BNIP3L: variants seen among roughly 807,000 people sequenced by gnomAD.
BNIP3L encodes BCL2/adenovirus E1B 19 kDa protein-interacting protein 3-like.
In BNIP3L, 10 loss-of-function variants were observed where a neutral mutation model predicts 25.5. That is an observed-to-expected ratio of 0.39 (90% CI 0.24 to 0.67). The LOEUF (loss-of-function observed/expected upper bound fraction) is 0.67, where lower values mean the gene tolerates loss of function less well. Among genes scored for constraint, BNIP3L ranks in the 30% least tolerant of loss-of-function variants. The probability of loss-of-function intolerance (pLI) is 0.45; values close to 1 mark genes in which losing one functional copy is unlikely to be tolerated. For synonymous variants in BNIP3L, 113 were observed against 101.2 expected, an observed-to-expected ratio of 1.12 and a Z score of -0.70; for missense variants, 215 against 270.9, an observed-to-expected ratio of 0.79 and a Z score of 1.45.
rs868330103 is a variant in BNIP3L at position 26,384,038 on chromosome 8, A to C, written c.100+808A>C. Among the ~76,000 whole-genome samples, 17 of 152,184 alleles carry C rather than the reference A, an allele frequency of 1.1e-4. No individual in the cohort carries two copies. In the South Asian group the frequency reaches 2.1e-3, roughly 19 times the overall value. ...ATTAAAAACGCACTCGGGCAGTTGA[A>C]AGTTAACGGACGAGGCTGATAGACA... On this transcript the variant is annotated intron_variant, in intron 1 of 5. Transcript: ENST00000380629.
At chr8:26,406,801 A>G (rs1240240128) in intron 3 of BNIP3L, among the ~76,000 whole-genome samples, 30 of 151,344 alleles carry the variant, frequency 2.0e-4, no homozygotes, top group Admixed American at 1.8e-3. Flanking sequence ...GTGACACAGG[A>G]GACCCTGTCT....
At chr8:26,383,515 A>C in intron 1 of BNIP3L, 1 of 727,380 alleles carries the variant, frequency 1.4e-6, no homozygotes, top group Non-Finnish European at 1.7e-6. Flanking sequence ...GGTGGTCCCC[A>C]GCAGCGGAGC....
intron 3 of BNIP3L, among the ~76,000 whole-genome samples, chr8:26,396,388 T>C (rs368972862): frequency 1.8e-4 from 14 of 76,454 alleles, no homozygotes; most frequent in South Asian, 1.8e-3. Context: ...CGGCAGGGTA[T>C]TCCAACAGAC....
chr8:26,400,306 C>A (rs1367825482), intron 3 of BNIP3L, among the ~76,000 whole-genome samples: 6 of 147,404 alleles, frequency 4.1e-5, no homozygotes, highest in African/African-American at 1.0e-4. Context: ...GAAAAACAAG[C>A]AATGGGGAAA....
chr8:26,390,229 C>A, intron 1 of BNIP3L: 1 of 527,500 alleles, frequency 1.9e-6, no homozygotes, highest in Non-Finnish European at 2.4e-6. Flanking sequence ...GCTGGGATTA[C>A]ATGTGTGAGC....
rs190843678 is a variant in BNIP3L at position 26,411,192 on chromosome 8, T to A, written c.*780T>A. 1 of 152,752 alleles carries A rather than the reference T, an allele frequency of 6.5e-6. No homozygotes were observed. Among genetic ancestry groups the A allele is most frequent in the African/African-American group, 2.4e-5 (1 of 41,576 alleles). 9.5% of individuals were successfully genotyped at this position (152,752 alleles called of 1,614,324 possible). A position where few individuals can be genotyped will look rare whatever the true frequency, so the allele number is the denominator to read the frequency against. ...AAGGAACGTCTCAGGCTTAGAAATA[T>A]ATGAAATTGCTTTTTGAGATTTTTG... On this transcript the variant is annotated 3_prime_UTR_variant, in exon 6 of 6. Transcript: ENST00000380629.
chr8:26,383,238 C>A lies in BNIP3L; in HGVS notation c.100+8C>A, dbSNP rs1433229631. The A allele has an allele frequency of 6.9e-6, 11 of 1,602,534 alleles. No homozygotes were observed. Among genetic ancestry groups the A allele is most frequent in the Non-Finnish European group, 9.4e-6 (11 of 1,175,136 alleles). On this transcript the variant is annotated splice_region_variant and intron_variant, in intron 1 of 5. Coordinates refer to ENST00000380629, the MANE Select transcript of BNIP3L (RefSeq NM_004331.3). ...CGCCGGCCGGCCTCAACAGTGAGTG[C>A]GGGGCCGAGGCTCTGTGAAGGGGAT...
At chr8:26,404,771 G>A (rs1365871357) in intron 3 of BNIP3L, among the ~76,000 whole-genome samples, 1 of 152,210 alleles carries the variant, frequency 6.6e-6, no homozygotes, top group Non-Finnish European at 1.5e-5. Context: ...GCCTCCCTAA[G>A]TGCTGGGATT....
chr8:26,409,087 GT>G (rs1269455952), intron 5 of BNIP3L, among the ~76,000 whole-genome samples: 1 of 151,294 alleles, frequency 6.6e-6, no homozygotes, highest in Non-Finnish European at 1.5e-5. Context: ...ACATTGAATA[GT>G]TTTTTTTAAT....
chr8:26,404,285 A>G (rs1033238121), intron 3 of BNIP3L, among the ~76,000 whole-genome samples: 2 of 152,224 alleles, frequency 1.3e-5, no homozygotes, highest in African/African-American at 4.8e-5. Context: ...TCTGGGACCA[A>G]AAATGCCAGC....
Position 26,383,093 on chromosome 8 carries a change from G to T in BNIP3L, c.-38G>T, listed in dbSNP as rs747901077. Reference sequence around the variant, plus strand: ...GTGTTGCTGCCTGAGTGCCGGAGACGGTCCTGCTGCTGCCGCAGTCCTGCC... The same window carrying T: ...GTGTTGCTGCCTGAGTGCCGGAGACTGTCCTGCTGCTGCCGCAGTCCTGCC... On this transcript the variant is annotated 5_prime_UTR_variant, in exon 1 of 6. Coordinates refer to ENST00000380629, the MANE Select transcript of BNIP3L (RefSeq NM_004331.3). The T allele has an allele frequency of 3.9e-6, 6 of 1,538,844 alleles. No individual in the cohort carries two copies. In the Middle Eastern group the frequency reaches 5.1e-4, roughly 130 times the overall value.
At chr8:26,383,480 T>C (rs1805904054) in intron 1 of BNIP3L, 2 of 1,226,692 alleles carry the variant, frequency 1.6e-6, no homozygotes, top group South Asian at 3.4e-5. Context: ...GCGGCGCGGG[T>C]AGCGCGGATC....
chr8:26,403,556 G>A lies in BNIP3L; in HGVS notation c.358-4444G>A, dbSNP rs914864564. ...CTTTTTTTTTTTTTTTGGAGACAGC[G>A]TCTCAGGGTCTTGCTTTGTCACCCA... On this transcript the variant is annotated intron_variant, in intron 3 of 5. Coordinates refer to ENST00000380629, the MANE Select transcript of BNIP3L (RefSeq NM_004331.3). 6.9e-5 allele frequency among the ~76,000 whole-genome samples: 10 copies of A among 145,706 alleles called. No homozygotes were observed. The South Asian group carries it at 1.1e-3, about 16-fold the overall frequency.
At chr8:26,407,650 A>G (rs2117495871) in intron 3 of BNIP3L, among the ~76,000 whole-genome samples, 1 of 152,326 alleles carries the variant, frequency 6.6e-6, no homozygotes, top group East Asian at 1.9e-4. Flanking sequence ...TTTTAAGTGC[A>G]TACAAGAGAG....
intron 3 of BNIP3L, among the ~76,000 whole-genome samples, chr8:26,400,818 C>G (rs1170957916): frequency 8.7e-6 from 1 of 114,814 alleles, no homozygotes; most frequent in Non-Finnish European, 1.8e-5. Context: ...TGAAAAAATG[C>G]TCATCATCAC....
chr8:26,383,104 T>TGCC lies in BNIP3L; in HGVS notation c.-24_-22dup. On this transcript the variant is annotated 5_prime_UTR_variant, in exon 1 of 6. Transcript: ENST00000380629. ...TGAGTGCCGGAGACGGTCCTGCTGC[T>TGCC]GCCGCAGTCCTGCCAGCTGTCCGAC... 6.3e-7 allele frequency: 1 copy of TGCC among 1,576,020 alleles called. No homozygotes were observed.
rs544107027 is a variant in BNIP3L, at chr8:26,383,764, C to G, written c.100+534C>G. ...CCCCCCAGCGAGCATTCCTTTGTTGCCACACGTTTGTCAGGAAAATTCATT... is the reference window on the plus strand; with the variant it reads ...CCCCCCAGCGAGCATTCCTTTGTTGGCACACGTTTGTCAGGAAAATTCATT... On this transcript the variant is annotated intron_variant, in intron 1 of 5. Transcript: ENST00000380629. Among the ~76,000 whole-genome samples the G allele has an allele frequency of 2.9e-4, 44 of 152,168 alleles. No individual in the cohort carries two copies. In the South Asian group the frequency reaches 8.7e-3, roughly 30 times the overall value.
chr8:26,399,924 G>T (rs374580687), intron 3 of BNIP3L, among the ~76,000 whole-genome samples: 1 of 148,288 alleles, frequency 6.7e-6, no homozygotes, highest in Non-Finnish European at 1.5e-5. Context: ...AGGATACAAA[G>T]AAATGGAAGA....
At position 26,410,456 on chromosome 8, in the gene BNIP3L, G is replaced by T; in HGVS notation, c.*44G>T. On this transcript the variant is annotated 3_prime_UTR_variant, in exon 6 of 6. Transcript: ENST00000380629. ...GGAAATGCGTGTGACCTGTGAAGTG[G>T]TGTATTGTCACAGTAGCTTATTTGA... 1 of 1,608,064 alleles carries T rather than the reference G, an allele frequency of 6.2e-7. No homozygotes were observed. Among genetic ancestry groups the T allele is most frequent in the Non-Finnish European group, 8.5e-7 (1 of 1,174,544 alleles).
Sources: gnomAD v4.1 joint callset for allele counts (sites outside exome capture counted in the v4.1 genomes callset) on GRCh38, gnomAD v4.1.1 for gene constraint, MANE v1.5 for transcripts, NCBI Gene and HGNC (gene_info 2026-07-23, HGNC 2026-07-21) for gene names.